Variants in QPCT observed in about 807,000 individuals in gnomAD.
QPCT encodes glutaminyl-peptide cyclotransferase, also known as EC.
A neutral mutation model predicts 43.4 loss-of-function variants in QPCT; 44 were observed. The ratio of observed to expected loss-of-function variants is 1.01; its 90% CI spans 0.80 to 1.30. The LOEUF (loss-of-function observed/expected upper bound fraction) is 1.30. Among genes scored for constraint, QPCT ranks in the 50% most tolerant of loss-of-function variants. QPCT has a pLI of 0.00. For missense variants in QPCT, 526 were observed against 436.5 expected (o/e 1.21, Z -1.83); for synonymous variants, 168 against 168.4 (o/e 1.00, Z 0.02).
At chr2:37,364,395 G>C (rs534437989) in intron 3 of QPCT, among the ~76,000 whole-genome samples, 1 of 152,306 alleles carries the variant, frequency 6.6e-6, no homozygotes, top group Non-Finnish European at 1.5e-5. Flanking sequence ...GTCGGTCCAG[G>C]CTGGAGCAGG....
chr2:37,357,302 C>T (rs1164172727), intron 2 of QPCT, among the ~76,000 whole-genome samples: 3 of 147,664 alleles, frequency 2.0e-5, no homozygotes, highest in African/African-American at 7.7e-5. Context: ...TTTTAAATGA[C>T]CCATTTTGTG....
chr2:37,358,065 T>C (rs1183273344), intron 2 of QPCT, among the ~76,000 whole-genome samples: 1 of 144,066 alleles, frequency 6.9e-6, no homozygotes, highest in Non-Finnish European at 1.5e-5. Flanking sequence ...TGACTTTTTA[T>C]AAAAATAATT....
intron 3 of QPCT, among the ~76,000 whole-genome samples, chr2:37,364,846 G>A (rs1205470947): frequency 2.0e-5 from 3 of 151,852 alleles, no homozygotes; most frequent in Non-Finnish European, 4.4e-5. Flanking sequence ...GTGAAGTCAG[G>A]GCTGGAGATA....
At chr2:37,348,670 G>A (rs1672559822) in intron 1 of QPCT, among the ~76,000 whole-genome samples, 1 of 152,164 alleles carries the variant, frequency 6.6e-6, no homozygotes, top group African/African-American at 2.4e-5. Flanking sequence ...CACATGATTA[G>A]CCTAGAAGAG....
rs897410930 is a variant in QPCT, at chr2:37,344,645, G to C, written c.-87G>C. 10 of 1,508,846 alleles carry C rather than the reference G, an allele frequency of 6.6e-6. No individual in the cohort carries two copies. Among genetic ancestry groups the C allele is most frequent in the African/African-American group, 1.4e-5 (1 of 71,492 alleles). 93.5% of individuals were successfully genotyped at this position (1,508,846 alleles called of 1,614,324 possible). ...AGGCGGGCGCAGTCGACCCAAGGGT[G>C]GAGAAGAGGGAAGGCGAAGGACGCG... On this transcript the variant is annotated 5_prime_UTR_variant, in exon 1 of 7. Coordinates refer to ENST00000338415, the MANE Select transcript of QPCT (RefSeq NM_012413.4).
chr2:37,359,176 G>A (rs917593423), intron 2 of QPCT, among the ~76,000 whole-genome samples: 13 of 151,772 alleles, frequency 8.6e-5, no homozygotes, highest in Non-Finnish European at 1.8e-4. Flanking sequence ...CAAGGGGAGA[G>A]TAATATAAAA....
At chr2:37,367,701 G>A (rs192646341) in intron 4 of QPCT, among the ~76,000 whole-genome samples, 89 of 151,910 alleles carry the variant, frequency 5.9e-4, no homozygotes, top group African/African-American at 2.0e-3. Context: ...AGGGGACTTC[G>A]TCTCTACAAC....
chr2:37,350,700 T>C (rs1672601212), intron 1 of QPCT, among the ~76,000 whole-genome samples: 1 of 152,214 alleles, frequency 6.6e-6, no homozygotes, highest in Admixed American at 6.5e-5. Context: ...TGAATCTCAG[T>C]TTCCACTAAT....
In QPCT at chr2:37,352,493, A is replaced by C. The variant is rs1460666809; in HGVS notation, c.121-296A>C. ...CATGCACCAATGCGTCACCACGCCC[A>C]TCTAATTTTTTCATTTTTTGTAGAG... On this transcript the variant is annotated intron_variant, in intron 1 of 6. Coordinates refer to ENST00000338415, the MANE Select transcript of QPCT (RefSeq NM_012413.4). Among the ~76,000 whole-genome samples, 4 of 152,144 alleles carry C rather than the reference A, an allele frequency of 2.6e-5. No individual in the cohort carries two copies. In the East Asian group the frequency reaches 7.7e-4, roughly 29 times the overall value.
Position 37,344,667 on chromosome 2 carries a change from C to T in QPCT, c.-65C>T, listed in dbSNP as rs1018242814. The T allele has an allele frequency of 6.5e-7, 1 of 1,536,456 alleles. No homozygotes were observed. Among genetic ancestry groups the T allele is most frequent in the African/African-American group, 1.4e-5 (1 of 72,364 alleles). ...GGTGGAGAAGAGGGAAGGCGAAGGA[C>T]GCGCGTTCCCGGGCTCGTGACCGCC... is the stretch of plus-strand genomic sequence containing the variant. On this transcript the variant is annotated 5_prime_UTR_variant, in exon 1 of 7. In the 5' UTR this introduces an upstream ATG that the reference lacks. Coordinates refer to ENST00000338415, the MANE Select transcript of QPCT (RefSeq NM_012413.4).
At chr2:37,363,237 A>G (rs548772720) in intron 3 of QPCT, among the ~76,000 whole-genome samples, 2 of 152,308 alleles carry the variant, frequency 1.3e-5, no homozygotes, top group African/African-American at 2.4e-5. Context: ...AGTGAAGCCA[A>G]CCAATCTGTG....
At chr2:37,363,659 T>TA (rs58100358) in intron 3 of QPCT, among the ~76,000 whole-genome samples, 1,840 of 79,408 alleles carry the variant, frequency 0.023, 21 homozygotes, top group Middle Eastern at 0.032. Flanking sequence ...TTTTAAAATG[T>TA]AAAAAAAAAA....
intron 1 of QPCT, among the ~76,000 whole-genome samples, chr2:37,349,693 A>C (rs1672578944): frequency 6.6e-6 from 1 of 152,152 alleles, no homozygotes; most frequent in Non-Finnish European, 1.5e-5. Context: ...GAAGCATCGA[A>C]TGTCAGAAAT....
intron 5 of QPCT, among the ~76,000 whole-genome samples, chr2:37,371,431 C>CAA (rs3050580): frequency 0.073 from 5,008 of 68,708 alleles, 287 homozygotes; most frequent in Non-Finnish European, 0.1. Context: ...GACTCCATCT[C>CAA]AAAAAAAAAA....
chr2:37,344,939 C>A, intron 1 of QPCT, 88 bp downstream of exon 1: 1 of 1,443,990 alleles, frequency 6.9e-7, no homozygotes, highest in East Asian at 2.7e-5. Flanking sequence ...CTAGGCAGAG[C>A]GGGAGGCGGG....
chr2:37,349,425 G>A (rs1046991531), intron 1 of QPCT, among the ~76,000 whole-genome samples: 3 of 152,198 alleles, frequency 2.0e-5, no homozygotes, highest in African/African-American at 7.2e-5. Context: ...GCTTGGGGGA[G>A]GGGGCATTTA....
intron 4 of QPCT, chr2:37,368,246 A>G (rs1412438334): frequency 5.5e-6 from 1 of 182,276 alleles, no homozygotes; most frequent in African/African-American, 2.4e-5. Flanking sequence ...TATTATTACT[A>G]AGTAATGAGT....
chr2:37,367,253 G>T lies in QPCT; in HGVS notation c.568G>T (p.Asp190Tyr), dbSNP rs1672981160. The stretch of plus-strand genomic sequence containing the variant: ...CCAGACTGTTTCAGACTCCAAGCCA[G>T]ATTTGTCACTCCAGCTGATCTTCTT... ...SLKTVSDSKP[D>Y]LSLQLIFFDG... The change falls in exon 4 of 7, where the codon GAT becomes TAT. Residue 190 changes from aspartate to tyrosine, a missense_variant. Transcript: ENST00000338415. 6.2e-7 allele frequency: 1 copy of T among 1,613,810 alleles called. No homozygotes were observed.
intron 5 of QPCT, among the ~76,000 whole-genome samples, chr2:37,371,769 G>A (rs1673078755): frequency 6.6e-6 from 1 of 152,224 alleles, no homozygotes; most frequent in African/African-American, 2.4e-5. Flanking sequence ...CTGGACTCCA[G>A]CCCCAGAATT....
Sources: gnomAD v4.1 joint callset for allele counts (sites outside exome capture counted in the v4.1 genomes callset) on GRCh38, gnomAD v4.1.1 for gene constraint, MANE v1.5 for transcripts, NCBI Gene and HGNC (gene_info 2026-07-23, HGNC 2026-07-21) for gene names.